The following KSR2 variants were observed in gnomAD, a reference collection of about 807,000 sequenced individuals.
KSR2 encodes the protein kinase suppressor of ras 2.
A neutral mutation model predicts 107.8 loss-of-function variants in KSR2; 25 were observed. That is an observed-to-expected ratio of 0.23 (90% CI 0.17 to 0.32). The LOEUF (loss-of-function observed/expected upper bound fraction) is 0.32, where lower values mean the gene tolerates loss of function less well. Ranked by LOEUF, KSR2 falls within the 10% of genes least tolerant of loss-of-function variation. The pLI is 1.00. For missense variants in KSR2, 887 were observed against 1,268.9 expected, an observed-to-expected ratio of 0.70 and a Z score of 4.57; for synonymous variants, 480 against 507.0, an observed-to-expected ratio of 0.95 and a Z score of 0.71.
At chr12:117,611,597 G>A (rs1404197689) in intron 5 of KSR2, among the ~76,000 whole-genome samples, 1 of 152,128 alleles carries the variant, frequency 6.6e-6, no homozygotes, top group East Asian at 1.9e-4. Context: ...GACATCTGGG[G>A]TACTCAAGAG....
At chr12:117,737,509 G>A (rs1887990523) in intron 4 of KSR2, among the ~76,000 whole-genome samples, 1 of 152,168 alleles carries the variant, frequency 6.6e-6, no homozygotes, top group African/African-American at 2.4e-5. Flanking sequence ...GAGGCCAGGT[G>A]CGGTGGCTCG....
chr12:117,607,925 G>A (rs553568263), intron 5 of KSR2, among the ~76,000 whole-genome samples: 5 of 152,238 alleles, frequency 3.3e-5, no homozygotes, highest in East Asian at 1.9e-4. Flanking sequence ...CGTGAGCAGC[G>A]GTTCCTTGCT....
At chr12:117,539,657 C>A in intron 10 of KSR2, 62 bp downstream of exon 10, 1 of 1,463,166 alleles carries the variant, frequency 6.8e-7, no homozygotes, top group Non-Finnish European at 9.1e-7. Context: ...TGAACCCACC[C>A]CCTCCCTAAT....
chr12:117,606,072 T>TA (rs774517851), intron 5 of KSR2, among the ~76,000 whole-genome samples: 5 of 152,108 alleles, frequency 3.3e-5, no homozygotes, highest in Non-Finnish European at 7.4e-5. Context: ...CCATGGCTGA[T>TA]AGGAAATGCT....
intron 10 of KSR2, among the ~76,000 whole-genome samples, chr12:117,538,661 A>C (rs571263885): frequency 6.6e-6 from 1 of 152,364 alleles, no homozygotes; most frequent in South Asian, 2.1e-4. Flanking sequence ...TCAGTACGGC[A>C]GCCACCAGCC....
chr12:117,794,873 A>T (rs1010705094), intron 3 of KSR2, among the ~76,000 whole-genome samples: 2 of 152,208 alleles, frequency 1.3e-5, no homozygotes, highest in Admixed American at 6.5e-5. Flanking sequence ...CCAGTTGATG[A>T]TAGTGACAGC....
intron 4 of KSR2, among the ~76,000 whole-genome samples, chr12:117,706,181 T>A (rs918802060): frequency 6.6e-6 from 1 of 151,854 alleles, no homozygotes; most frequent in Non-Finnish European, 1.5e-5. Context: ...GTAGCTGGGA[T>A]TACAGGTGCA....
chr12:117,894,007 T>C (rs1894429335), intron 1 of KSR2, among the ~76,000 whole-genome samples: 1 of 151,470 alleles, frequency 6.6e-6, no homozygotes, highest in Admixed American at 6.6e-5. Context: ...CCTCCCGGGT[T>C]CACGCCATTC....
intron 3 of KSR2, among the ~76,000 whole-genome samples, chr12:117,838,965 A>T (rs888094924): frequency 3.3e-5 from 5 of 152,210 alleles, no homozygotes; most frequent in Admixed American, 6.5e-5. Flanking sequence ...CCATAGACAA[A>T]GTGGAAACAA....
Position 117,890,206 on chromosome 12 carries a change from T to C in KSR2, c.181-29775A>G, listed in dbSNP as rs182356239. Among the ~76,000 whole-genome samples, 47 of 152,350 alleles carry C rather than the reference T, an allele frequency of 3.1e-4. 1 individual carries two copies. The highest frequency in any genetic ancestry group is 5.1e-4 in the Non-Finnish European group (35 of 68,024). Reference sequence around the variant, plus strand: ...GACAATGGTACTGTTCTTCCTATCTTATGTCTTTGAGATCTAAGGCTCTGA... The same window carrying C: ...GACAATGGTACTGTTCTTCCTATCTCATGTCTTTGAGATCTAAGGCTCTGA... On this transcript the variant is annotated intron_variant, in intron 1 of 19. Transcript: ENST00000339824.
At chr12:117,801,983 T>C (rs534738876) in intron 3 of KSR2, among the ~76,000 whole-genome samples, 2 of 152,222 alleles carry the variant, frequency 1.3e-5, no homozygotes, top group African/African-American at 4.8e-5. Context: ...GTGGGATACA[T>C]TTGCAAAAAG....
At chr12:117,819,378 C>T (rs974945098) in intron 3 of KSR2, among the ~76,000 whole-genome samples, 1 of 152,214 alleles carries the variant, frequency 6.6e-6, no homozygotes, top group East Asian at 1.9e-4. Flanking sequence ...TAGAGGGCGT[C>T]GTAGGTGCCT....
chr12:117,626,613 C>T (rs559280602), intron 5 of KSR2, among the ~76,000 whole-genome samples: 3 of 152,146 alleles, frequency 2.0e-5, no homozygotes, highest in African/African-American at 4.8e-5. Flanking sequence ...CTAAGGAGTG[C>T]TTTACTTCCA....
chr12:117,960,566 C>T (rs1206787724), intron 1 of KSR2, among the ~76,000 whole-genome samples: 2 of 152,132 alleles, frequency 1.3e-5, no homozygotes, highest in South Asian at 2.1e-4. Context: ...CCATCTCGGA[C>T]CCTCCAGCCA....
rs1893069360 is a variant in KSR2, at chr12:117,855,444, C to G, written c.456G>C (p.Arg152Ser). ...ARLNASLSCL[R>S]NVHMSGGNLS... ...CCTGCTCACCTGACATGTGGACATT[C>G]CTGAGGCAGGAGAGGGAGGCGTTGA... Residue 152 changes from arginine (R) to serine (S), a missense_variant, in exon 3 of 20, where the codon AGG becomes AGC. By Grantham distance (110) the Arg-to-Ser change is moderately radical. Around this residue, in one of 8 missense-constraint regions of KSR2, gnomAD observed 399 missense variants for 479.5 expected, o/e 0.83. Coordinates refer to ENST00000339824, the MANE Select transcript of KSR2 (RefSeq NM_173598.6). 6.2e-7 allele frequency: 1 copy of G among 1,613,940 alleles called. No individual in the cohort carries two copies. Among genetic ancestry groups the G allele is most frequent in the Non-Finnish European group, 8.5e-7 (1 of 1,179,914 alleles).
At chr12:117,669,447 C>T (rs1884810045) in intron 4 of KSR2, among the ~76,000 whole-genome samples, 1 of 152,048 alleles carries the variant, frequency 6.6e-6, no homozygotes, top group Admixed American at 6.5e-5. Flanking sequence ...TCCACATGAG[C>T]ACTTGAATTG....
In KSR2 at chr12:117,871,159, A is replaced by G. The variant is rs188694169; in HGVS notation, c.181-10728T>C. Among the ~76,000 whole-genome samples the G allele has an allele frequency of 9.8e-5, 15 of 152,340 alleles. No individual in the cohort carries two copies. The East Asian group carries it at 2.5e-3, about 25-fold the overall frequency. On this transcript the variant is annotated intron_variant, in intron 1 of 19. Transcript: ENST00000339824. ...CGCTGGAGGAATGTGATATGGGTCCAATCACTGTCCCCATTGTACAAAGGA... is the reference window on the plus strand; with the variant it reads ...CGCTGGAGGAATGTGATATGGGTCCGATCACTGTCCCCATTGTACAAAGGA...
chr12:117,946,165 T>C (rs950914618), intron 1 of KSR2, among the ~76,000 whole-genome samples: 6 of 152,060 alleles, frequency 3.9e-5, no homozygotes, highest in Admixed American at 3.9e-4. Context: ...TTAGTAAGTA[T>C]CTGCCTCAAC....
chr12:117,516,708 G>A (rs1874400037), intron 14 of KSR2, among the ~76,000 whole-genome samples: 1 of 152,164 alleles, frequency 6.6e-6, no homozygotes, highest in South Asian at 2.1e-4. Context: ...ACAAGCAGGA[G>A]TGAAGAAATT....
Sources: gnomAD v4.1 joint callset for allele counts (sites outside exome capture counted in the v4.1 genomes callset) on GRCh38, gnomAD v4.1.1 for gene constraint, gnomAD v4.1.1 regional missense constraint, MANE v1.5 for transcripts, NCBI Gene and HGNC (gene_info 2026-07-23, HGNC 2026-07-21) for gene names.